DLG5: variants seen among roughly 807,000 people sequenced by gnomAD.
DLG5 encodes discs large MAGUK scaffold protein 5.
Under a neutral mutation model 189.8 loss-of-function variants are expected in DLG5, and 48 were observed. That is an observed-to-expected ratio of 0.25 (90% CI 0.20 to 0.32). The LOEUF (loss-of-function observed/expected upper bound fraction) is 0.32. Ranked by LOEUF, DLG5 falls within the 10% of genes least tolerant of loss-of-function variation. The pLI, the probability that DLG5 is intolerant of heterozygous loss-of-function variation, is 1.00. For synonymous variants in DLG5, 1,016 were observed against 1,054.1 expected (o/e 0.96, Z 0.70); for missense variants, 2,160 against 2,544.7 (o/e 0.85, Z 3.25).
chr10:77,822,231 T>C (rs932429433), intron 14 of DLG5, 130 bp from the exon 15 acceptor site: 78 of 961,066 alleles, frequency 8.1e-5, no homozygotes, highest in Non-Finnish European at 1.2e-4. Context: ...AAGAGACAGA[T>C]AGACAGAGAT....
intron 29 of DLG5, 78 bp downstream of exon 29, chr10:77,795,983 T>C (rs1226863125): frequency 1.9e-6 from 3 of 1,599,300 alleles, no homozygotes; most frequent in Non-Finnish European, 2.6e-6. Context: ...GGGCAGAGGA[T>C]CACGGACCAG....
intron 13 of DLG5, among the ~76,000 whole-genome samples, chr10:77,826,776 C>T (rs1377622206): frequency 1.3e-5 from 2 of 152,106 alleles, no homozygotes; most frequent in South Asian, 2.1e-4. Context: ...GGCGAAACCC[C>T]GTCTCTACTA....
At chr10:77,849,099 T>C (rs1005690671) in intron 5 of DLG5, among the ~76,000 whole-genome samples, 2 of 152,240 alleles carry the variant, frequency 1.3e-5, no homozygotes, top group East Asian at 1.9e-4. Context: ...AACACACATA[T>C]GGACAAAACA....
In DLG5 at chr10:77,794,915, C is replaced by T. The variant is rs760554293; in HGVS notation, c.5480G>A (p.Arg1827Gln). Residue 1827 changes from arginine (R) to glutamine (Q), a missense_variant, in exon 30 of 32, where the codon CGG becomes CAG. Arg to Gln is a conservative substitution (Grantham distance 43, BLOSUM62 1). Around this residue, in one of 5 missense-constraint regions of DLG5, gnomAD observed 574 missense variants for 644.2 expected, o/e 0.89. Transcript: ENST00000372391. ...GGGGTAGATGTGCATGTGGTGGAGC[C>T]GCTCAATAGCGTGCGGAGCAATGTC... Reference protein sequence around the residue: ...LLDIAPHAIERLHHMHIYPIV... With the variant: ...LLDIAPHAIEQLHHMHIYPIV... The T allele has an allele frequency of 3.4e-5, 55 of 1,613,864 alleles. No homozygotes were observed. Among genetic ancestry groups the T allele is most frequent in the Non-Finnish European group, 4.2e-5 (49 of 1,180,006 alleles).
At position 77,926,050 on chromosome 10, in the gene DLG5, G is replaced by A. The variant is rs1846680029; in HGVS notation, c.304+167C>T. 6.6e-6 allele frequency among the ~76,000 whole-genome samples: 1 copy of A among 152,138 alleles called. No homozygotes were observed. The highest frequency in any genetic ancestry group is 1.5e-5 in the Non-Finnish European group (1 of 68,018). On this transcript the variant is annotated intron_variant, in intron 1 of 31. Transcript: ENST00000372391. This position sits in a 1 kb window ranked among gnomAD's most constrained non-coding sequence, Gnocchi z 5.2. ...GAACGGCGGGACTGGGGGAGGCGGCGGGACTTCGGGATCCGCGCACCGCCG... is the reference window on the plus strand; with the variant it reads ...GAACGGCGGGACTGGGGGAGGCGGCAGGACTTCGGGATCCGCGCACCGCCG...
intron 13 of DLG5, among the ~76,000 whole-genome samples, chr10:77,826,492 G>A (rs946709283): frequency 1.3e-5 from 2 of 152,128 alleles, no homozygotes; most frequent in African/African-American, 4.8e-5. Context: ...AGCAGGGCGT[G>A]ATGGCACATG....
intron 9 of DLG5, among the ~76,000 whole-genome samples, chr10:77,831,289 C>T (rs543532489): frequency 1.3e-5 from 2 of 152,080 alleles, no homozygotes; most frequent in East Asian, 1.9e-4. Context: ...CCTGTAACCT[C>T]GGCTACTCAG....
chr10:77,859,316 T>C (rs1188018086), intron 2 of DLG5, among the ~76,000 whole-genome samples: 1 of 152,254 alleles, frequency 6.6e-6, no homozygotes, highest in Non-Finnish European at 1.5e-5. Flanking sequence ...AAGTCGAATA[T>C]AGCCTAAGTG....
intron 7 of DLG5, among the ~76,000 whole-genome samples, chr10:77,838,868 A>G (rs968284849): frequency 6.6e-6 from 1 of 152,208 alleles, no homozygotes; most frequent in African/African-American, 2.4e-5. Context: ...CCATGAAGCC[A>G]GACCAACTTG....
chr10:77,882,722 G>A (rs1845317930), intron 1 of DLG5, among the ~76,000 whole-genome samples: 2 of 150,724 alleles, frequency 1.3e-5, no homozygotes, highest in Admixed American at 1.3e-4. Flanking sequence ...GACCAGCCTG[G>A]CCAACATGGT....
intron 16 of DLG5, 117 bp from the exon 17 acceptor site, chr10:77,819,582 G>A (rs1254451395): frequency 1.8e-5 from 25 of 1,373,334 alleles, no homozygotes; most frequent in Non-Finnish European, 2.3e-5. Context: ...AAAGGACTTG[G>A]GAGATGAGTT....
chr10:77,796,954 C>T lies in DLG5; in HGVS notation c.5165-360G>A, dbSNP rs771122263. On this transcript the variant is annotated intron_variant, in intron 27 of 31. Coordinates refer to ENST00000372391, the MANE Select transcript of DLG5 (RefSeq NM_004747.4). This position sits in a 1 kb window ranked among gnomAD's most constrained non-coding sequence, Gnocchi z 5.2. ...GGGTTTGGCAGGTAAAGCTCCCACT[C>T]CCCAGGAAGGTGTGGTCAGTGTAAC... is the stretch of plus-strand genomic sequence containing the variant. Among the ~76,000 whole-genome samples the T allele has an allele frequency of 1.1e-4, 16 of 152,190 alleles. No homozygotes were observed. Among genetic ancestry groups the T allele is most frequent in the Non-Finnish European group, 1.9e-4 (13 of 68,034 alleles).
At chr10:77,880,060 G>A (rs572759135) in intron 1 of DLG5, among the ~76,000 whole-genome samples, 7 of 152,180 alleles carry the variant, frequency 4.6e-5, no homozygotes, top group Admixed American at 1.3e-4. Context: ...TCCAAGGAAT[G>A]AACCTGAGCA....
upstream of DLG5, chr10:77,926,871 T>C: frequency 3.2e-6 from 1 of 312,036 alleles, no homozygotes; most frequent in South Asian, 2.3e-5. This position sits in a 1 kb window ranked among gnomAD's most constrained non-coding sequence, Gnocchi z 5.2. Context: ...CCCCTCAGCC[T>C]CCGCGCGCGC....
chr10:77,865,720 C>G (rs1022324290), intron 2 of DLG5, among the ~76,000 whole-genome samples: 2 of 152,158 alleles, frequency 1.3e-5, no homozygotes, highest in Non-Finnish European at 2.9e-5. Flanking sequence ...GTCACAACAA[C>G]AGGCGCAGGA....
intron 26 of DLG5, 27 bp from the exon 27 acceptor site, chr10:77,805,888 A>C (rs746635695): frequency 6.3e-7 from 1 of 1,588,856 alleles, no homozygotes. Flanking sequence ...AATGCTGGGC[A>C]GGGCCATCGA....
rs543852917 is a variant in DLG5 at position 77,792,605 on chromosome 10, G to A, written c.5657-62C>T. ...GAGTAAGACCCCAGGTTTGAGGCAA[G>A]GCAGTACAGCTTGCACTCTTTCTAC... On this transcript the variant is annotated intron_variant, in intron 31 of 31. Coordinates refer to ENST00000372391, the MANE Select transcript of DLG5 (RefSeq NM_004747.4). 29 of 1,493,178 alleles carry A rather than the reference G, an allele frequency of 1.9e-5. No individual in the cohort carries two copies. The African/African-American group carries it at 3.9e-4, about 20-fold the overall frequency. The allele number at this position is 1,493,178 out of a possible 1,614,324, so 92.5% of individuals were successfully genotyped here.
intron 5 of DLG5, among the ~76,000 whole-genome samples, chr10:77,849,917 TG>T (rs1312613628): frequency 6.6e-6 from 1 of 152,232 alleles, no homozygotes; most frequent in Non-Finnish European, 1.5e-5. Flanking sequence ...TTGCCCAGGC[TG>T]ATCTTGGACT....
At chr10:77,932,621 C>A in the DLG5 span, among the ~76,000 whole-genome samples, 1 of 151,950 alleles carries the variant, frequency 6.6e-6, no homozygotes, top group African/African-American at 2.4e-5. Context: ...CATAGTGAGA[C>A]CAGAGTCTAT....
Sources: gnomAD v4.1 joint callset for allele counts (sites outside exome capture counted in the v4.1 genomes callset) on GRCh38, gnomAD v4.1.1 for gene constraint, gnomAD v4.1.1 regional missense constraint, Gnocchi (gnomAD v3.1) non-coding constraint, MANE v1.5 for transcripts, NCBI Gene and HGNC (gene_info 2026-07-23, HGNC 2026-07-21) for gene names.